The following PI4KA variants were observed in gnomAD, a reference collection of about 807,000 sequenced individuals.
PI4KA encodes the protein PI4-kinase alpha.
In PI4KA, 122 loss-of-function variants were observed where a neutral mutation model predicts 271.4. The observed-to-expected ratio is 0.45, with a 90% CI of 0.39 to 0.52. PI4KA has a LOEUF of 0.52. PI4KA is among the 20% of genes least tolerant of loss of function. The pLI, the probability that PI4KA is intolerant of heterozygous loss-of-function variation, is 0.00. For synonymous variants in PI4KA, 1,041 were observed against 1,078.8 expected (o/e 0.96, Z 0.69); for missense variants, 1,969 against 2,769.1 (o/e 0.71, Z 6.48).
intron 45 of PI4KA, among the ~76,000 whole-genome samples, chr22:20,717,475 C>T (rs978055069): frequency 6.6e-6 from 1 of 152,264 alleles, no homozygotes; most frequent in African/African-American, 2.4e-5. Context: ...AAACAGCAGG[C>T]AGCAAGGAAG....
Position 20,819,701 on chromosome 22 carries a change from C to A in PI4KA, c.729G>T (p.Leu243=), listed in dbSNP as rs1204439955. Residue 243 remains leucine (L), a synonymous_variant, in exon 6 of 55, where the codon CTG becomes CTT. Coordinates refer to ENST00000255882, the MANE Select transcript of PI4KA (RefSeq NM_058004.4). ...TCAGGGTACCCTCCTGACAGACAGT[C>A]AGCAGATTGCTGGGGAGGATGGAGC... ...DFRSILPSNL[L]TVCQEGTLKR... is the part of the protein sequence containing the mutation. 1.9e-6 allele frequency: 3 copies of A among 1,613,998 alleles called. No individual in the cohort carries two copies. Among genetic ancestry groups the A allele is most frequent in the Non-Finnish European group, 8.5e-7 (1 of 1,180,010 alleles).
At chr22:20,856,017 C>A (rs896570671) in intron 1 of PI4KA, among the ~76,000 whole-genome samples, 4 of 152,236 alleles carry the variant, frequency 2.6e-5, no homozygotes, top group African/African-American at 4.8e-5. Context: ...CACAGTGGCT[C>A]ATGCCTGTAA....
chr22:20,740,061 CAAAAAAAAAAAAA>C (rs59323542), intron 32 of PI4KA, among the ~76,000 whole-genome samples: 1 of 73,372 alleles, frequency 1.4e-5, no homozygotes, highest in Non-Finnish European at 2.6e-5. Context: ...GACCCCATCT[CAAAAAAAAAAAAA>C]AAAAAAAAAA....
At chr22:20,770,538 A>G (rs1756849461) in intron 19 of PI4KA, among the ~76,000 whole-genome samples, 1 of 116,502 alleles carries the variant, frequency 8.6e-6, no homozygotes, top group Non-Finnish European at 1.8e-5. Context: ...AAAAAGAGAG[A>G]GAGAGAGATC....
chr22:20,792,553 A>G (rs987278627), intron 19 of PI4KA, among the ~76,000 whole-genome samples: 1 of 152,232 alleles, frequency 6.6e-6, no homozygotes, highest in Non-Finnish European at 1.5e-5. Flanking sequence ...AGAATATGGA[A>G]TGAAAATAAA....
intron 30 of PI4KA, chr22:20,743,023 T>G: frequency 2.0e-6 from 1 of 508,508 alleles, no homozygotes; most frequent in Non-Finnish European, 3.5e-6. Context: ...GGTGGGAACC[T>G]TGTCCCTCAT....
At chr22:20,810,778 A>G (rs2147648067) in intron 9 of PI4KA, among the ~76,000 whole-genome samples, 189 bp downstream of exon 9, 1 of 152,324 alleles carries the variant, frequency 6.6e-6, no homozygotes, top group Admixed American at 6.5e-5. Flanking sequence ...GACGTATTTA[A>G]AAGAGCATGC....
At chr22:20,793,097 G>A (rs1934752883) in intron 19 of PI4KA, 96 bp downstream of exon 19, 2 of 802,728 alleles carry the variant, frequency 2.5e-6, no homozygotes, top group Non-Finnish European at 4.4e-6. Flanking sequence ...CCTCAACACT[G>A]CACCTTTCTA....
rs754691694 is a variant in PI4KA, at chr22:20,798,614, G to T, written c.2078C>A (p.Ala693Asp). Residue 693 changes from alanine (A) to aspartate (D), a missense_variant, in exon 17 of 55, where the codon GCC becomes GAC. Transcript: ENST00000255882. ...SVKASSVVYSATKDYKDHGYR... is the reference protein window; with the variant it reads ...SVKASSVVYSDTKDYKDHGYR... ...GCCGTGGTCCTTGTAATCTTTGGTG[G>T]CTGAGTATACAACGGAGCTGGCCTT... 6.2e-7 allele frequency: 1 copy of T among 1,612,452 alleles called. No homozygotes were observed. The highest frequency in any genetic ancestry group is 1.1e-5 in the South Asian group (1 of 91,046).
chr22:20,762,246 C>G (rs538487674), intron 22 of PI4KA, among the ~76,000 whole-genome samples: 2 of 152,288 alleles, frequency 1.3e-5, no homozygotes, highest in East Asian at 3.9e-4. Flanking sequence ...ACCAACCTGT[C>G]AAGAGTTAAG....
Position 20,734,398 on chromosome 22 carries a change from G to A in PI4KA, c.3897C>T (p.Ile1299=), listed in dbSNP as rs753433161. 6.9e-6 allele frequency: 11 copies of A among 1,582,842 alleles called. No individual in the cohort carries two copies. The highest frequency in any genetic ancestry group is 9.5e-6 in the Non-Finnish European group (11 of 1,154,732). ...PPEVTPHYIW[I]DFLVQRFEIA... Reference sequence around the variant, plus strand: ...TCGTGGGGGAACAGGCACGTACGTCGATCCAGATGTAGTGGGGGGTCACTT... The same window carrying A: ...TCGTGGGGGAACAGGCACGTACGTCAATCCAGATGTAGTGGGGGGTCACTT... The change falls in exon 33 of 55, where the codon ATC becomes ATT. Residue 1299 remains isoleucine (I), a synonymous_variant. Coordinates refer to ENST00000255882, the MANE Select transcript of PI4KA (RefSeq NM_058004.4).
chr22:20,812,549 G>A (rs147687638), intron 8 of PI4KA, among the ~76,000 whole-genome samples: 150 of 152,050 alleles, frequency 9.9e-4, no homozygotes, highest in African/African-American at 3.5e-3. Context: ...AGGGCCCCTG[G>A]ATCTTTATTT....
In PI4KA at chr22:20,729,426, G is replaced by A. The variant is rs763949828; in HGVS notation, c.4569C>T (p.Asn1523=). 7.4e-6 allele frequency: 12 copies of A among 1,613,276 alleles called. No homozygotes were observed. Among genetic ancestry groups the A allele is most frequent in the Non-Finnish European group, 1.0e-5 (12 of 1,179,592 alleles). ...ACTTAGATCTCCAGTTGGCCACGCT[G>A]TTCTCTCCGGCCTGGTCTAGTTCCA... ...PELELDQAGE[N]SVANWRSKYI... Residue 1523 remains asparagine, a synonymous_variant, in exon 39 of 55, where the codon AAC becomes AAT. Transcript: ENST00000255882.
chr22:20,819,460 T>A (rs1922306575), intron 6 of PI4KA, among the ~76,000 whole-genome samples, 181 bp downstream of exon 6: 1 of 152,134 alleles, frequency 6.6e-6, no homozygotes, highest in South Asian at 2.1e-4. Flanking sequence ...ATGTGCACTC[T>A]ATAAGCCCTT....
chr22:20,741,673 A>G (rs989122683), intron 32 of PI4KA, among the ~76,000 whole-genome samples: 4 of 152,188 alleles, frequency 2.6e-5, no homozygotes, highest in African/African-American at 9.7e-5. Context: ...CCCCTTTTTG[A>G]CCACTCATTT....
chr22:20,759,704 T>G (rs1047931120), intron 23 of PI4KA, among the ~76,000 whole-genome samples: 1 of 152,180 alleles, frequency 6.6e-6, no homozygotes, highest in African/African-American at 2.4e-5. Flanking sequence ...TAGCTGGGAC[T>G]ACAGGCGCAG....
At chr22:20,786,832 G>C (rs1239840358) in intron 19 of PI4KA, 14 of 1,587,982 alleles carry the variant, frequency 8.8e-6, no homozygotes, top group Non-Finnish European at 1.0e-5. Flanking sequence ...CTAGCCCTCT[G>C]TGTGCTGACC....
intron 7 of PI4KA, among the ~76,000 whole-genome samples, chr22:20,816,525 T>C (rs181954659): frequency 7.9e-5 from 12 of 152,218 alleles, no homozygotes; most frequent in Admixed American, 1.3e-4. Flanking sequence ...TCTTAGTATG[T>C]GGTGTTGTAT....
chr22:20,824,244 A>T (rs1460940726), intron 4 of PI4KA, 82 bp downstream of exon 4: 1 of 877,246 alleles, frequency 1.1e-6, no homozygotes, highest in Non-Finnish European at 1.9e-6. Flanking sequence ...ATCACATTTC[A>T]CGTTTTTAAA....
Sources: gnomAD v4.1 joint callset for allele counts (sites outside exome capture counted in the v4.1 genomes callset) on GRCh38, gnomAD v4.1.1 for gene constraint, MANE v1.5 for transcripts, NCBI Gene and HGNC (gene_info 2026-07-23, HGNC 2026-07-21) for gene names.